The following HIVEP3 variants were observed in gnomAD, a reference collection of about 807,000 sequenced individuals.
HIVEP3 encodes the protein HIVEP zinc finger 3, also known as transcription factor HIVEP3.
HIVEP3 carries 49 observed loss-of-function variants against 152.8 expected under a neutral mutation model. The observed-to-expected ratio is 0.32, with a 90% CI of 0.26 to 0.41. The LOEUF (loss-of-function observed/expected upper bound fraction) is 0.41, where lower values mean the gene tolerates loss of function less well. Ranked by LOEUF, HIVEP3 falls within the 10% of genes least tolerant of loss-of-function variation. HIVEP3 has a pLI of 1.00. For missense variants in HIVEP3, 2,790 were observed against 3,103.3 expected, an observed-to-expected ratio of 0.90 and a Z score of 2.40; for synonymous variants, 1,269 against 1,289.0, an observed-to-expected ratio of 0.98 and a Z score of 0.33.
chr1:41,732,172 A>T (rs890289057), intron 1 of HIVEP3, among the ~76,000 whole-genome samples: 2 of 152,068 alleles, frequency 1.3e-5, no homozygotes, highest in African/African-American at 4.8e-5. Flanking sequence ...GAGAGAGGGG[A>T]CCACATGAGC....
At chr1:42,011,524 A>G (rs1326059858) in intron 1 of HIVEP3, among the ~76,000 whole-genome samples, 2 of 152,182 alleles carry the variant, frequency 1.3e-5, no homozygotes, top group Non-Finnish European at 2.9e-5. Flanking sequence ...TCAATTCAAG[A>G]TATCACACCA....
chr1:41,979,405 A>G (rs866945456), intron 1 of HIVEP3, among the ~76,000 whole-genome samples: 81 of 152,254 alleles, frequency 5.3e-4, no homozygotes, highest in African/African-American at 1.9e-3. Flanking sequence ...CCATTTACTG[A>G]GGAGGAAACT....
intron 5 of HIVEP3, among the ~76,000 whole-genome samples, chr1:41,549,529 G>T (rs78710926): frequency 0.11 from 16,713 of 152,210 alleles, 1,629 homozygotes; most frequent in East Asian, 0.46. Flanking sequence ...ATCCTCTCCA[G>T]CATCTGTTGT....
chr1:41,630,127 A>G (rs928540497), intron 2 of HIVEP3, among the ~76,000 whole-genome samples: 13 of 152,236 alleles, frequency 8.5e-5, no homozygotes, highest in African/African-American at 3.1e-4. Flanking sequence ...CCTTGACAGC[A>G]TCATGGATGC....
chr1:41,934,937 A>G (rs528513270), intron 1 of HIVEP3, among the ~76,000 whole-genome samples: 8 of 152,280 alleles, frequency 5.3e-5, no homozygotes, highest in African/African-American at 1.4e-4. Flanking sequence ...TTTCTAGTCC[A>G]CTTAATTTCA....
chr1:41,832,923 G>A (rs1443213514), intron 1 of HIVEP3, among the ~76,000 whole-genome samples: 1 of 152,158 alleles, frequency 6.6e-6, no homozygotes, highest in South Asian at 2.1e-4. Flanking sequence ...TCTGGCTGAG[G>A]TCTAGGAATG....
At chr1:41,800,614 A>T (rs1650245727) in intron 1 of HIVEP3, among the ~76,000 whole-genome samples, 1 of 152,200 alleles carries the variant, frequency 6.6e-6, no homozygotes, top group Non-Finnish European at 1.5e-5. Context: ...TAAGCTACAG[A>T]GTTTGAGTGT....
At chr1:41,775,175 T>C (rs1490594454) in intron 1 of HIVEP3, among the ~76,000 whole-genome samples, 1 of 152,132 alleles carries the variant, frequency 6.6e-6, no homozygotes, top group Non-Finnish European at 1.5e-5. Context: ...TGTTGAAACA[T>C]GAATATTTTG....
At chr1:41,655,636 T>A (rs1284242770) in intron 2 of HIVEP3, among the ~76,000 whole-genome samples, 1 of 142,914 alleles carries the variant, frequency 7.0e-6, no homozygotes, top group Non-Finnish European at 1.5e-5. Context: ...AAAGAGCCCC[T>A]GAATCCCTCC....
At chr1:41,740,709 C>T (rs1453394454) in intron 1 of HIVEP3, among the ~76,000 whole-genome samples, 1 of 152,258 alleles carries the variant, frequency 6.6e-6, no homozygotes, top group Non-Finnish European at 1.5e-5. Flanking sequence ...GGACCCCACT[C>T]TGTGCCCCAC....
intron 1 of HIVEP3, among the ~76,000 whole-genome samples, chr1:41,812,397 G>C (rs1204075598): frequency 6.6e-6 from 1 of 152,056 alleles, no homozygotes; most frequent in African/African-American, 2.4e-5. Flanking sequence ...TGACCATGTC[G>C]CTGCACTCCA....
chr1:41,813,243 G>A (rs953460772), intron 1 of HIVEP3, among the ~76,000 whole-genome samples: 4 of 152,112 alleles, frequency 2.6e-5, no homozygotes, highest in Non-Finnish European at 4.4e-5. Context: ...TGGGACTGGA[G>A]TCCAGTCATG....
At chr1:41,693,486 C>A (rs1361371906) in intron 2 of HIVEP3, among the ~76,000 whole-genome samples, 1 of 152,198 alleles carries the variant, frequency 6.6e-6, no homozygotes, top group African/African-American at 2.4e-5. Flanking sequence ...ATAGCCTCTG[C>A]CCATTTTTCC....
intron 1 of HIVEP3, among the ~76,000 whole-genome samples, chr1:41,925,178 C>T (rs1644961730): frequency 6.6e-6 from 1 of 152,188 alleles, no homozygotes; most frequent in Admixed American, 6.5e-5. Flanking sequence ...GAATGTATGA[C>T]AGAGACTATA....
rs772101618 is a variant in HIVEP3 at position 41,583,700 on chromosome 1, G to T, written c.1098C>A (p.Leu366=). The T allele has an allele frequency of 1.9e-6, 3 of 1,612,866 alleles. No individual in the cohort carries two copies. In the African/African-American group the frequency reaches 4.0e-5, roughly 22 times the overall value. The change falls in exon 4 of 9, where the codon CTC becomes CTA. Residue 366 remains leucine, a synonymous_variant. Coordinates refer to ENST00000372583, the MANE Select transcript of HIVEP3 (RefSeq NM_024503.5). This position sits in a 1 kb window ranked among gnomAD's most constrained non-coding sequence, Gnocchi z 6.9. ...TCACCTTCTTCCTCTCGCTTAAGCG[G>T]AGGGCCAGCTTCTGCTTAATCGTGT... is the stretch of plus-strand genomic sequence containing the variant. The part of the protein sequence containing the change: ...DTHTIKQKLA[L]RLSERKKVID...
At chr1:41,961,319 C>T (rs1465141439) in intron 1 of HIVEP3, among the ~76,000 whole-genome samples, 1 of 152,256 alleles carries the variant, frequency 6.6e-6, no homozygotes, top group East Asian at 1.9e-4. Context: ...CCCTGACCCA[C>T]ATCAATCAAG....
At chr1:42,011,180 C>T (rs1272406253) in intron 1 of HIVEP3, among the ~76,000 whole-genome samples, 4 of 152,138 alleles carry the variant, frequency 2.6e-5, no homozygotes, top group Non-Finnish European at 5.9e-5. Context: ...AACGAATGTA[C>T]TTAGTCTGTC....
At chr1:41,925,566 G>A (rs901200413) in intron 1 of HIVEP3, among the ~76,000 whole-genome samples, 3 of 152,148 alleles carry the variant, frequency 2.0e-5, no homozygotes, top group African/African-American at 7.2e-5. Context: ...TCTCAGGGGT[G>A]GCAGAGGCAT....
At chr1:41,597,037 C>A (rs1444791770) in intron 3 of HIVEP3, among the ~76,000 whole-genome samples, 1 of 152,122 alleles carries the variant, frequency 6.6e-6, no homozygotes, top group African/African-American at 2.4e-5. Flanking sequence ...TAAATCATTT[C>A]CCTTGGATGA....
Sources: gnomAD v4.1 joint callset for allele counts (sites outside exome capture counted in the v4.1 genomes callset) on GRCh38, gnomAD v4.1.1 for gene constraint, Gnocchi (gnomAD v3.1) non-coding constraint, MANE v1.5 for transcripts, NCBI Gene and HGNC (gene_info 2026-07-23, HGNC 2026-07-21) for gene names.